Variants in LRRC4C observed in about 807,000 individuals in gnomAD.
LRRC4C encodes the protein leucine-rich repeat-containing protein 4C.
In LRRC4C, 5 loss-of-function variants were observed where a neutral mutation model predicts 33.6. The ratio of observed to expected loss-of-function variants is 0.15; its 90% CI spans 0.08 to 0.31. The LOEUF is 0.31. LRRC4C is among the 10% of genes least tolerant of loss of function. The pLI is 1.00. For missense variants in LRRC4C, 560 were observed against 796.7 expected, an observed-to-expected ratio of 0.70 and a Z score of 3.58; for synonymous variants, 329 against 302.0, an observed-to-expected ratio of 1.09 and a Z score of -0.93.
intron 1 of LRRC4C, among the ~76,000 whole-genome samples, chr11:41,076,439 G>A (rs1590452631): frequency 6.6e-6 from 1 of 152,172 alleles, no homozygotes; most frequent in Admixed American, 6.5e-5. Context: ...AAGGCCTCAG[G>A]AAAGGAGAAG....
chr11:40,157,797 T>A (rs910965132), intron 5 of LRRC4C, among the ~76,000 whole-genome samples: 1 of 152,256 alleles, frequency 6.6e-6, no homozygotes, highest in Non-Finnish European at 1.5e-5. Context: ...GGAACACTTC[T>A]ACACTGCTGG....
chr11:40,505,660 T>C (rs752911765), intron 3 of LRRC4C, among the ~76,000 whole-genome samples: 15 of 152,204 alleles, frequency 9.9e-5, no homozygotes, highest in Admixed American at 7.2e-4. Context: ...ATGTCAGGCA[T>C]TGGCCCATGA....
intron 2 of LRRC4C, among the ~76,000 whole-genome samples, chr11:40,653,795 T>C (rs1321498159): frequency 6.6e-6 from 1 of 152,138 alleles, no homozygotes; most frequent in African/African-American, 2.4e-5. Flanking sequence ...CCAGGGCATG[T>C]CAGAGGTCTT....
At chr11:41,209,205 T>C (rs1008058608) in intron 1 of LRRC4C, among the ~76,000 whole-genome samples, 2 of 150,104 alleles carry the variant, frequency 1.3e-5, no homozygotes, top group Non-Finnish European at 3.0e-5. Flanking sequence ...AAAATAAAAG[T>C]TAAAATATTA....
At chr11:40,726,297 C>T (rs11036039) in intron 2 of LRRC4C, among the ~76,000 whole-genome samples, 85,590 of 151,832 alleles carry the variant, frequency 0.56, 24,401 homozygotes, top group African/African-American at 0.64. Flanking sequence ...TCTCTAACTT[C>T]TCTATGAAAA....
At chr11:40,892,800 T>C (rs12803632) in intron 2 of LRRC4C, among the ~76,000 whole-genome samples, 1 of 152,182 alleles carries the variant, frequency 6.6e-6, no homozygotes. Flanking sequence ...TATAAGTTAT[T>C]GTTTAATGAG....
intron 1 of LRRC4C, among the ~76,000 whole-genome samples, chr11:41,148,486 G>A (rs1173363538): frequency 6.6e-6 from 1 of 152,220 alleles, no homozygotes; most frequent in East Asian, 1.9e-4. Context: ...GATTTTGAGG[G>A]GTGGAGGGTG....
intron 3 of LRRC4C, among the ~76,000 whole-genome samples, chr11:40,464,937 A>G (rs2138223392): frequency 6.6e-6 from 1 of 151,722 alleles, no homozygotes; most frequent in African/African-American, 2.4e-5. Context: ...TACCTACATC[A>G]TTTTTCACAG....
chr11:40,844,273 G>A lies in LRRC4C; in HGVS notation c.-407+89362C>T, dbSNP rs182835790. Among the ~76,000 whole-genome samples the A allele has an allele frequency of 8.2e-4, 124 of 151,806 alleles. 1 individual carries two copies. The highest frequency in any genetic ancestry group is 1.7e-3 in the Admixed American group (26 of 15,226). ...AAATACAAAATAAAAAAAATACAGC[G>A]GTTGAATCAGTGCTATTTATTTGTT... On this transcript the variant is annotated intron_variant, in intron 2 of 6. Transcript: ENST00000528697.
At chr11:40,599,289 AT>A (rs111855963) in intron 3 of LRRC4C, among the ~76,000 whole-genome samples, 1 of 147,662 alleles carries the variant, frequency 6.8e-6, no homozygotes, top group Non-Finnish European at 1.5e-5. Context: ...CTCTACAAAA[AT>A]TTAAAAAAAA....
intron 1 of LRRC4C, among the ~76,000 whole-genome samples, chr11:41,196,101 ATT>A (rs1478915634): frequency 3.9e-5 from 6 of 152,076 alleles, no homozygotes; most frequent in Non-Finnish European, 7.4e-5. Flanking sequence ...ATTCCATGAC[ATT>A]TATAAATGTC....
At chr11:41,115,705 C>T (rs1565397289) in intron 1 of LRRC4C, among the ~76,000 whole-genome samples, 1 of 152,044 alleles carries the variant, frequency 6.6e-6, no homozygotes, top group Non-Finnish European at 1.5e-5. Flanking sequence ...CTGAGATCCA[C>T]TTTGACGCTC....
chr11:41,213,544 T>C (rs1389003694), intron 1 of LRRC4C, among the ~76,000 whole-genome samples: 1 of 152,226 alleles, frequency 6.6e-6, no homozygotes, highest in Non-Finnish European at 1.5e-5. Flanking sequence ...ACATAGTGAA[T>C]GGGTCACAGC....
At chr11:41,117,077 G>A (rs117951085) in intron 1 of LRRC4C, among the ~76,000 whole-genome samples, 1,858 of 152,218 alleles carry the variant, frequency 0.012, 20 homozygotes, top group Non-Finnish European at 0.02. Flanking sequence ...GCAGCCCAGT[G>A]TTAGCCTGCT....
chr11:41,378,857 GACTCAA>G (rs1953037624), intron 1 of LRRC4C, among the ~76,000 whole-genome samples: 1 of 151,472 alleles, frequency 6.6e-6, no homozygotes, highest in Non-Finnish European at 1.5e-5. Flanking sequence ...TCAGTGGTAT[GACTCAA>G]ACTCAATATC....
At position 41,445,373 on chromosome 11, in the gene LRRC4C, C is replaced by T. The variant is rs75534218; in HGVS notation, c.-496+14058G>A. Reference sequence around the variant, plus strand: ...AAAAGCATATCAAGATCCATGTTGCCCCACAAAGGACATTCTGAGGCAACC... The same window carrying T: ...AAAAGCATATCAAGATCCATGTTGCTCCACAAAGGACATTCTGAGGCAACC... On this transcript the variant is annotated intron_variant, in intron 1 of 6. Transcript: ENST00000528697. Among the ~76,000 whole-genome samples, 981 of 152,206 alleles carry T rather than the reference C, an allele frequency of 6.4e-3. 13 individuals are homozygous for T. The highest frequency in any genetic ancestry group is 0.023 in the African/African-American group (947 of 41,512).
intron 1 of LRRC4C, among the ~76,000 whole-genome samples, chr11:41,357,343 C>T (rs938187391): frequency 6.6e-5 from 10 of 152,072 alleles, no homozygotes; most frequent in East Asian, 3.9e-4. Context: ...GTGGTAAAGA[C>T]GAAAATCTAA....
intron 1 of LRRC4C, among the ~76,000 whole-genome samples, chr11:41,392,118 T>C (rs1326580479): frequency 6.6e-6 from 1 of 151,874 alleles, no homozygotes; most frequent in East Asian, 1.9e-4. Context: ...CAAAGGCATA[T>C]GTAGGCACTA....
chr11:40,822,998 T>A (rs1284895607), intron 2 of LRRC4C, among the ~76,000 whole-genome samples: 1 of 151,820 alleles, frequency 6.6e-6, no homozygotes, highest in Non-Finnish European at 1.5e-5. Flanking sequence ...TGTGATTTTA[T>A]CTCTGGGTTC....
Sources: gnomAD v4.1 joint callset for allele counts (sites outside exome capture counted in the v4.1 genomes callset) on GRCh38, gnomAD v4.1.1 for gene constraint, MANE v1.5 for transcripts, NCBI Gene and HGNC (gene_info 2026-07-23, HGNC 2026-07-21) for gene names.